CNTNAP5: variants seen among roughly 807,000 people sequenced by gnomAD.
The protein encoded by CNTNAP5 is contactin-associated protein-like 5.
CNTNAP5 carries 72 observed loss-of-function variants against 150.2 expected under a neutral mutation model. The observed-to-expected ratio is 0.48, with a 90% CI of 0.40 to 0.58. The LOEUF (loss-of-function observed/expected upper bound fraction) is 0.58, where lower values mean the gene tolerates loss of function less well. Among genes scored for constraint, CNTNAP5 ranks in the 20% least tolerant of loss-of-function variants. The pLI is 0.00. For synonymous variants in CNTNAP5, 672 were observed against 619.8 expected (o/e 1.08, Z -1.25); for missense variants, 1,636 against 1,626.2 (o/e 1.01, Z -0.10).
At chr2:124,810,828 A>AT (rs974483604) in intron 19 of CNTNAP5, among the ~76,000 whole-genome samples, 1 of 151,908 alleles carries the variant, frequency 6.6e-6, no homozygotes, top group Non-Finnish European at 1.5e-5. Context: ...ACACAGAGAC[A>AT]TTTTTCATTG....
At chr2:124,811,784 T>A (rs1286123780) in intron 19 of CNTNAP5, among the ~76,000 whole-genome samples, 3 of 147,524 alleles carry the variant, frequency 2.0e-5, no homozygotes, top group African/African-American at 7.6e-5. Context: ...GTACTAAAAA[T>A]ACAAAAAGTT....
chr2:124,718,763 G>A (rs905087597), intron 13 of CNTNAP5, among the ~76,000 whole-genome samples: 2 of 151,852 alleles, frequency 1.3e-5, no homozygotes, highest in Non-Finnish European at 2.9e-5. Flanking sequence ...CCAATATGTC[G>A]AAACCCCGTC....
At chr2:124,889,800 T>A (rs1404257612) in intron 21 of CNTNAP5, among the ~76,000 whole-genome samples, 1 of 152,134 alleles carries the variant, frequency 6.6e-6, no homozygotes, top group East Asian at 1.9e-4. Context: ...TCAGTGATTT[T>A]TTTTTGTTTT....
intron 10 of CNTNAP5, among the ~76,000 whole-genome samples, chr2:124,551,479 C>A (rs375137775): frequency 6.6e-6 from 1 of 152,126 alleles, no homozygotes; most frequent in African/African-American, 2.4e-5. Flanking sequence ...GAGATCAATG[C>A]GGTTGGCTGC....
rs556680202 is a variant in CNTNAP5, at chr2:124,126,872, A to G, written c.83-94833A>G. 2.0e-5 allele frequency among the ~76,000 whole-genome samples: 3 copies of G among 152,322 alleles called. No homozygotes were observed. In the South Asian group the frequency reaches 6.2e-4, roughly 32 times the overall value. On this transcript the variant is annotated intron_variant, in intron 1 of 23. Coordinates refer to ENST00000682447, the MANE Select transcript of CNTNAP5 (RefSeq NM_001367498.1). The stretch of plus-strand genomic sequence containing the variant: ...CAAAATTCAACAATCCTTCATGCTA[A>G]AAACTCTCAATAAACTAGGTATTGA...
chr2:124,078,045 A>C (rs1363902393), intron 1 of CNTNAP5, among the ~76,000 whole-genome samples: 1 of 152,260 alleles, frequency 6.6e-6, no homozygotes, highest in African/African-American at 2.4e-5. Flanking sequence ...ATGTTGACTC[A>C]GGAAATAAAA....
chr2:124,743,480 C>G (rs1405567286), intron 13 of CNTNAP5, among the ~76,000 whole-genome samples: 2 of 152,166 alleles, frequency 1.3e-5, no homozygotes, highest in African/African-American at 2.4e-5. Flanking sequence ...GAAGCAGGCT[C>G]TATGTGAACC....
chr2:124,863,100 T>C (rs1372684712), intron 19 of CNTNAP5, among the ~76,000 whole-genome samples: 2 of 152,168 alleles, frequency 1.3e-5, no homozygotes, highest in African/African-American at 4.8e-5. Flanking sequence ...TGGAAAAATA[T>C]GTAAAGAATA....
chr2:124,158,954 T>G (rs1684610740), intron 1 of CNTNAP5, among the ~76,000 whole-genome samples: 1 of 152,196 alleles, frequency 6.6e-6, no homozygotes, highest in Non-Finnish European at 1.5e-5. Context: ...CACAGGAATC[T>G]TACAGTTCAA....
intron 1 of CNTNAP5, among the ~76,000 whole-genome samples, chr2:124,167,769 A>C (rs1684840671): frequency 6.6e-6 from 1 of 152,186 alleles, no homozygotes. Flanking sequence ...GAAAGGTCAC[A>C]TATACAAAGA....
At chr2:124,795,516 G>GTTGTT (rs537119826) in intron 18 of CNTNAP5, among the ~76,000 whole-genome samples, 126 of 152,076 alleles carry the variant, frequency 8.3e-4, no homozygotes, top group African/African-American at 2.7e-3. Context: ...GTTTTTGTTT[G>GTTGTT]TTGTTTTGTT....
chr2:124,196,403 GC>G lies in CNTNAP5; in HGVS notation c.83-25299del, dbSNP rs1339482914. Among the ~76,000 whole-genome samples, 5 of 152,254 alleles carry G rather than the reference GC, an allele frequency of 3.3e-5. No individual in the cohort carries two copies. In the East Asian group the frequency reaches 7.7e-4, roughly 24 times the overall value. On this transcript the variant is annotated intron_variant, in intron 1 of 23. Coordinates refer to ENST00000682447, the MANE Select transcript of CNTNAP5 (RefSeq NM_001367498.1). Reference sequence around the variant, plus strand: ...GGAAGAAATATTTTGAGGGTTAAATGCCCAATTTCAAAAATAAGACGTGTAC... The same window carrying G: ...GGAAGAAATATTTTGAGGGTTAAATGCCAATTTCAAAAATAAGACGTGTAC...
At chr2:124,199,413 CTTTTT>C (rs70996049) in intron 1 of CNTNAP5, among the ~76,000 whole-genome samples, 1 of 110,048 alleles carries the variant, frequency 9.1e-6, no homozygotes, top group Admixed American at 1.1e-4. Flanking sequence ...TTCCAAGGTT[CTTTTT>C]TTTTTTTTTT....
At chr2:124,877,453 A>T (rs1677882351) in intron 21 of CNTNAP5, among the ~76,000 whole-genome samples, 1 of 152,108 alleles carries the variant, frequency 6.6e-6, no homozygotes, top group Admixed American at 6.6e-5. Context: ...GCCAGACATT[A>T]CACATCTTTG....
intron 10 of CNTNAP5, among the ~76,000 whole-genome samples, chr2:124,536,913 A>T (rs982644080): frequency 6.6e-6 from 1 of 152,136 alleles, no homozygotes; most frequent in African/African-American, 2.4e-5. Flanking sequence ...TCAGAACCGG[A>T]GTAAACTTGC....
At chr2:124,911,666 G>C in intron 23 of CNTNAP5, 128 bp downstream of exon 23, 1 of 729,962 alleles carries the variant, frequency 1.4e-6, no homozygotes, top group Non-Finnish European at 2.4e-6. Context: ...CTGCAAGACT[G>C]TGGGCTTTTC....
chr2:124,371,134 G>T (rs1350720405), intron 3 of CNTNAP5, among the ~76,000 whole-genome samples: 1 of 152,112 alleles, frequency 6.6e-6, no homozygotes, highest in Non-Finnish European at 1.5e-5. Flanking sequence ...TGCTTCAGGG[G>T]AAGGTCAGAA....
rs150870102 is a variant in CNTNAP5, at chr2:124,213,143, G to A, written c.83-8562G>A. On this transcript the variant is annotated intron_variant, in intron 1 of 23. Coordinates refer to ENST00000682447, the MANE Select transcript of CNTNAP5 (RefSeq NM_001367498.1). ...GGGAGCCACCGGGCCTGGCCTATGTGTAGATAATTCTGCTCTTTCATCCTC... is the reference window on the plus strand; with the variant it reads ...GGGAGCCACCGGGCCTGGCCTATGTATAGATAATTCTGCTCTTTCATCCTC... Among the ~76,000 whole-genome samples, 1,394 of 152,136 alleles carry A rather than the reference G, an allele frequency of 9.2e-3. 14 individuals carry two copies. The highest frequency in any genetic ancestry group is 0.031 in the South Asian group (150 of 4,820).
At chr2:124,243,391 T>A (rs900498388) in intron 3 of CNTNAP5, among the ~76,000 whole-genome samples, 1 of 152,148 alleles carries the variant, frequency 6.6e-6, no homozygotes, top group Non-Finnish European at 1.5e-5. Context: ...ATGAAATAAC[T>A]TCTGTTTTAT....
Sources: gnomAD v4.1 joint callset for allele counts (sites outside exome capture counted in the v4.1 genomes callset) on GRCh38, gnomAD v4.1.1 for gene constraint, MANE v1.5 for transcripts, NCBI Gene and HGNC (gene_info 2026-07-23, HGNC 2026-07-21) for gene names.